The following KCNJ6 variants were observed in gnomAD, a reference collection of about 807,000 sequenced individuals.
KCNJ6 encodes the protein G protein-activated inward rectifier potassium channel 2.
A neutral mutation model predicts 34.2 loss-of-function variants in KCNJ6; 9 were observed. The observed-to-expected ratio is 0.26, with a 90% CI of 0.16 to 0.46. The LOEUF is 0.46. Among genes scored for constraint, KCNJ6 ranks in the 20% least tolerant of loss-of-function variants. The pLI is 1.00. For missense variants in KCNJ6, 236 were observed against 531.3 expected, an observed-to-expected ratio of 0.44 and a Z score of 5.46; for synonymous variants, 196 against 207.1, an observed-to-expected ratio of 0.95 and a Z score of 0.46.
intron 1 of KCNJ6, among the ~76,000 whole-genome samples, chr21:37,858,778 T>C (rs1469709484): frequency 1.3e-5 from 2 of 152,212 alleles, no homozygotes; most frequent in Non-Finnish European, 2.9e-5. Flanking sequence ...CATGGGTTTT[T>C]TTTGAAGATA....
chr21:37,898,787 G>A (rs1042150633), intron 1 of KCNJ6, among the ~76,000 whole-genome samples: 1 of 152,066 alleles, frequency 6.6e-6, no homozygotes, highest in Non-Finnish European at 1.5e-5. Flanking sequence ...TGGATACAGA[G>A]GTATTAGAAG....
At chr21:37,708,445 A>G (rs1183335113) in intron 3 of KCNJ6, among the ~76,000 whole-genome samples, 1 of 152,234 alleles carries the variant, frequency 6.6e-6, no homozygotes, top group Non-Finnish European at 1.5e-5. Context: ...ACTGGGATAT[A>G]TTATAATGAG....
chr21:37,664,687 T>C (rs8134288), intron 3 of KCNJ6, among the ~76,000 whole-genome samples: 87,637 of 151,828 alleles, frequency 0.58, 25,554 homozygotes, highest in East Asian at 0.85. Context: ...GTTAAAAGAG[T>C]TCATAGAAAG....
intron 2 of KCNJ6, among the ~76,000 whole-genome samples, chr21:37,719,063 A>G (rs1308010228): frequency 2.6e-5 from 4 of 151,956 alleles, no homozygotes; most frequent in Non-Finnish European, 5.9e-5. Context: ...AGCCAAGGAA[A>G]TGTGAGAGTT....
intron 2 of KCNJ6, among the ~76,000 whole-genome samples, chr21:37,798,804 TAGAA>T (rs1291823551): frequency 6.6e-6 from 1 of 152,122 alleles, no homozygotes; most frequent in Non-Finnish European, 1.5e-5. Flanking sequence ...TTTGAGGTGA[TAGAA>T]AGGTTCTAAA....
chr21:37,615,241 ATTCTTTTTTTTTTTTTT>A lies in KCNJ6; in HGVS notation c.*9901_*9917del, dbSNP rs2054262206. Reference sequence around the variant, plus strand: ...CAGACCCTCGACTGACATTCCCAGCATTCTTTTTTTTTTTTTTTTTTTTTTTTTTGAGACGGAGTCTC... The same window carrying A: ...CAGACCCTCGACTGACATTCCCAGCATTTTTTTTTTTTGAGACGGAGTCTC... On this transcript the variant is annotated 3_prime_UTR_variant, in exon 4 of 4. Transcript: ENST00000609713. 8.9e-6 allele frequency: 1 copy of A among 111,856 alleles called. No homozygotes were observed. The allele number at this position is 111,856 out of a possible 1,614,324, so 6.9% of individuals were successfully genotyped here.
intron 3 of KCNJ6, among the ~76,000 whole-genome samples, chr21:37,666,042 T>C (rs2054512506): frequency 6.6e-6 from 1 of 152,212 alleles, no homozygotes; most frequent in Admixed American, 6.5e-5. Flanking sequence ...ACAGCCACCC[T>C]GAAACCTGAA....
At chr21:37,731,378 G>A (rs1410768510) in intron 2 of KCNJ6, among the ~76,000 whole-genome samples, 1 of 152,164 alleles carries the variant, frequency 6.6e-6, no homozygotes, top group African/African-American at 2.4e-5. Context: ...ATTAAGATCT[G>A]GTAAGTGGGA....
intron 1 of KCNJ6, among the ~76,000 whole-genome samples, chr21:37,861,041 A>C (rs539141290): frequency 6.6e-6 from 1 of 152,208 alleles, no homozygotes; most frequent in East Asian, 1.9e-4. Context: ...AACTACAGTG[A>C]GAATAAAAGG....
At chr21:37,777,460 G>C (rs899392331) in intron 2 of KCNJ6, among the ~76,000 whole-genome samples, 1 of 151,966 alleles carries the variant, frequency 6.6e-6, no homozygotes, top group Non-Finnish European at 1.5e-5. Context: ...ACTTTTTCCT[G>C]GTCTGTTTCA....
At chr21:37,813,214 T>G (rs1010170069) in intron 2 of KCNJ6, among the ~76,000 whole-genome samples, 4 of 152,096 alleles carry the variant, frequency 2.6e-5, no homozygotes, top group Admixed American at 2.0e-4. Context: ...AGTGAAAATC[T>G]CTATAATGAA....
chr21:37,729,094 C>A (rs975471804), intron 2 of KCNJ6, among the ~76,000 whole-genome samples: 3 of 152,088 alleles, frequency 2.0e-5, no homozygotes, highest in African/African-American at 7.3e-5. Flanking sequence ...CCCATGAGGA[C>A]CTGGTGACAG....
intron 1 of KCNJ6, among the ~76,000 whole-genome samples, chr21:37,886,557 T>C (rs1055049713): frequency 1.3e-5 from 2 of 152,182 alleles, no homozygotes; most frequent in Admixed American, 6.5e-5. Context: ...ACTCTAAAAA[T>C]AGAGGTAGCT....
At chr21:37,814,528 C>T (rs1386463462) in intron 2 of KCNJ6, among the ~76,000 whole-genome samples, 5 of 152,162 alleles carry the variant, frequency 3.3e-5, no homozygotes, top group African/African-American at 1.2e-4. Context: ...TTGGAAACAA[C>T]CTAAATGTCT....
At chr21:37,775,689 T>C (rs2055138712) in intron 2 of KCNJ6, among the ~76,000 whole-genome samples, 1 of 152,186 alleles carries the variant, frequency 6.6e-6, no homozygotes, top group Non-Finnish European at 1.5e-5. Flanking sequence ...CTGAGGGCTC[T>C]GTTCTGTTCC....
intron 3 of KCNJ6, among the ~76,000 whole-genome samples, chr21:37,651,272 T>C (rs537980162): frequency 1.2e-4 from 18 of 152,256 alleles, no homozygotes; most frequent in Admixed American, 1.0e-3. Context: ...GATAATGATA[T>C]GAGGTGAGGC....
At chr21:37,702,389 A>G (rs910624677) in intron 3 of KCNJ6, among the ~76,000 whole-genome samples, 1 of 152,140 alleles carries the variant, frequency 6.6e-6, no homozygotes, top group Admixed American at 6.5e-5. Flanking sequence ...TTTTGGAAGT[A>G]ATACCCATAG....
At chr21:37,896,581 T>A (rs2055789487) in intron 1 of KCNJ6, among the ~76,000 whole-genome samples, 1 of 152,288 alleles carries the variant, frequency 6.6e-6, no homozygotes, top group Middle Eastern at 3.4e-3. Context: ...GCCACTTTTC[T>A]TGGGTCTCCA....
At chr21:37,833,891 C>G (rs1348809755) in intron 2 of KCNJ6, among the ~76,000 whole-genome samples, 1 of 152,122 alleles carries the variant, frequency 6.6e-6, no homozygotes, top group Non-Finnish European at 1.5e-5. Context: ...TGCATTTGAA[C>G]CAATTGTAAC....
Sources: allele counts gnomAD v4.1 joint callset (sites outside exome capture counted in the v4.1 genomes callset), GRCh38; gene constraint gnomAD v4.1.1; transcripts MANE v1.5; gene names NCBI Gene and HGNC (gene_info 2026-07-23, HGNC 2026-07-21).